Variants in ALDH3A2 observed in about 807,000 individuals in gnomAD.
ALDH3A2 encodes the protein aldehyde dehydrogenase family 3 member A2.
ALDH3A2 carries 36 observed loss-of-function variants against 51.3 expected under a neutral mutation model. The ratio of observed to expected loss-of-function variants is 0.70; its 90% CI spans 0.54 to 0.93. ALDH3A2 has a LOEUF of 0.93. Ranked by LOEUF, ALDH3A2 falls within the 40% of genes least tolerant of loss-of-function variation. ALDH3A2 has a pLI of 0.00. For missense variants in ALDH3A2, 552 were observed against 603.1 expected (o/e 0.92, Z 0.89); for synonymous variants, 199 against 219.8 (o/e 0.91, Z 0.84).
At position 19,653,685 on chromosome 17, in the gene ALDH3A2, G is replaced by A. The variant is rs933687210; in HGVS notation, c.471+1053G>A. Among the ~76,000 whole-genome samples, 13 of 152,286 alleles carry A rather than the reference G, an allele frequency of 8.5e-5. No individual in the cohort carries two copies. In the East Asian group the frequency reaches 1.5e-3, roughly 18 times the overall value. Reference sequence around the variant, plus strand: ...CGCAGTGAGTGTTACAGCTCATAACGGCAGTGCGGACCCAGAGTGAGCAGC... The same window carrying A: ...CGCAGTGAGTGTTACAGCTCATAACAGCAGTGCGGACCCAGAGTGAGCAGC... On this transcript the variant is annotated intron_variant, in intron 3 of 9. Transcript: ENST00000176643.
At chr17:19,666,290 A>G (rs114154013) in intron 8 of ALDH3A2, among the ~76,000 whole-genome samples, 53 of 151,744 alleles carry the variant, frequency 3.5e-4, no homozygotes, top group African/African-American at 9.7e-4. Flanking sequence ...AAAAGATTGG[A>G]CTCTGTTGTC....
intron 5 of ALDH3A2, among the ~76,000 whole-genome samples, chr17:19,659,235 G>A (rs1450524449): frequency 6.6e-6 from 1 of 151,810 alleles, no homozygotes; most frequent in African/African-American, 2.4e-5. Context: ...TATCTCAAAA[G>A]AAAAAAAGAT....
At chr17:19,655,169 A>C (rs2152327782) in intron 3 of ALDH3A2, 1 of 152,352 alleles carries the variant, frequency 6.6e-6, no homozygotes, top group South Asian at 2.1e-4. Flanking sequence ...GTCTTCATTT[A>C]GCTTTAAGCG....
At chr17:19,662,440 A>G (rs1567602974) in intron 6 of ALDH3A2, among the ~76,000 whole-genome samples, 1 of 152,190 alleles carries the variant, frequency 6.6e-6, no homozygotes, top group Non-Finnish European at 1.5e-5. Flanking sequence ...GTAAAGGAAA[A>G]GTGCCAACTT....
chr17:19,651,496 C>A, intron 1 of ALDH3A2, 51 bp from the exon 2 acceptor site: 1 of 1,459,178 alleles, frequency 6.9e-7, no homozygotes, highest in Non-Finnish European at 9.6e-7. Flanking sequence ...CATTCAGGGC[C>A]AAGTGTATCA....
chr17:19,661,326 A>G lies in ALDH3A2; in HGVS notation c.940+58A>G, dbSNP rs1165517069. On this transcript the variant is annotated intron_variant, in intron 6 of 9. Coordinates refer to ENST00000176643, the MANE Select transcript of ALDH3A2 (RefSeq NM_000382.3). ...TGGCAATTTGGCAGTTTTTGCTGACACTACTTATTAACACTAGATAAACTA... is the reference window on the plus strand; with the variant it reads ...TGGCAATTTGGCAGTTTTTGCTGACGCTACTTATTAACACTAGATAAACTA... The G allele has an allele frequency of 2.5e-6, 4 of 1,588,226 alleles. No individual in the cohort carries two copies. The South Asian group carries it at 3.3e-5, about 13-fold the overall frequency.
intron 5 of ALDH3A2, among the ~76,000 whole-genome samples, chr17:19,660,755 C>G (rs1279674009): frequency 6.6e-6 from 1 of 152,212 alleles, no homozygotes; most frequent in Non-Finnish European, 1.5e-5. Context: ...AGGGGGAAAG[C>G]AGGCACAGCC....
chr17:19,653,267 G>C (rs1191697907), intron 3 of ALDH3A2, among the ~76,000 whole-genome samples: 1 of 151,876 alleles, frequency 6.6e-6, no homozygotes, highest in African/African-American at 2.4e-5. Flanking sequence ...CTGGTCTCGA[G>C]CTCCTGACCT....
Position 19,654,368 on chromosome 17 carries a change from C to T in ALDH3A2, c.471+1736C>T, listed in dbSNP as rs564476763. On this transcript the variant is annotated intron_variant, in intron 3 of 9. Transcript: ENST00000176643. The surrounding 1 kb of genome is among the most constrained non-coding windows in gnomAD (Gnocchi z 4.5). ...CTGGGCGCTGTGGAGCAGGGGGCGG[C>T]GCCCATCAGGGAGGCTCGGGCAGCA... Among the ~76,000 whole-genome samples, 6 of 152,356 alleles carry T rather than the reference C, an allele frequency of 3.9e-5. No individual in the cohort carries two copies. The highest frequency in any genetic ancestry group is 2.1e-4 in the South Asian group (1 of 4,826).
At chr17:19,666,647 C>T (rs753408134) in intron 8 of ALDH3A2, among the ~76,000 whole-genome samples, 1 of 151,838 alleles carries the variant, frequency 6.6e-6, no homozygotes, top group Non-Finnish European at 1.5e-5. Context: ...TGTGGTGGTG[C>T]GTGCCTGTAG....
intron 9 of ALDH3A2, chr17:19,674,131 A>G (rs62065949): frequency 6.6e-6 from 1 of 152,226 alleles, no homozygotes; most frequent in Non-Finnish European, 1.5e-5. Context: ...AAATGTCGTG[A>G]AATCAAGGTG....
At chr17:19,663,212 T>C (rs1409267863) in intron 6 of ALDH3A2, 121 bp from the exon 7 acceptor site, 1 of 1,159,876 alleles carries the variant, frequency 8.6e-7, no homozygotes, top group African/African-American at 1.5e-5. Flanking sequence ...GATTTTTCAA[T>C]AGATATGACT....
At chr17:19,659,254 T>C (rs1217187133) in intron 5 of ALDH3A2, among the ~76,000 whole-genome samples, 1 of 151,982 alleles carries the variant, frequency 6.6e-6, no homozygotes, top group Non-Finnish European at 1.5e-5. Context: ...ATATGAAAAT[T>C]GTCGCCGTTG....
At chr17:19,661,302 G>T in intron 6 of ALDH3A2, 34 bp downstream of exon 6, 1 of 1,613,930 alleles carries the variant, frequency 6.2e-7, no homozygotes, top group South Asian at 1.1e-5. Context: ...ATGGGAAGAT[G>T]GCAATTTGGC....
At position 19,668,186 on chromosome 17, in the gene ALDH3A2, C is replaced by T. The variant is rs546172617; in HGVS notation, c.1207+3139C>T. Among the ~76,000 whole-genome samples the T allele has an allele frequency of 5.6e-4, 86 of 152,222 alleles. 1 individual carries two copies. The highest frequency in any genetic ancestry group is 2.0e-3 in the African/African-American group (84 of 41,532). Reference sequence around the variant, plus strand: ...TTTTATAAGTAAGAAAATCCTCAGTCCTATCTGTAATACATATCCCTTTCC... The same window carrying T: ...TTTTATAAGTAAGAAAATCCTCAGTTCTATCTGTAATACATATCCCTTTCC... On this transcript the variant is annotated intron_variant, in intron 8 of 9. Coordinates refer to ENST00000176643, the MANE Select transcript of ALDH3A2 (RefSeq NM_000382.3).
chr17:19,665,376 C>CGTGT (rs34642385), intron 8 of ALDH3A2, among the ~76,000 whole-genome samples: 16,942 of 144,946 alleles, frequency 0.12, 1,666 homozygotes, highest in African/African-American at 0.28. Context: ...GATCTCTCTT[C>CGTGT]GTGTGTGTGT....
At chr17:19,648,304 A>C (rs2084762022), upstream of ALDH3A2, 2 of 152,598 alleles carry the variant, frequency 1.3e-5, no homozygotes, top group Non-Finnish European at 2.9e-5. Flanking sequence ...TGAAGGAAGG[A>C]GCAGGGGACA....
In ALDH3A2 at chr17:19,648,996, C is replaced by A; in HGVS notation, c.25C>A (p.Arg9=). The stretch of plus-strand genomic sequence containing the variant: ...CATGGAGCTCGAAGTCCGGCGGGTC[C>A]GACAGGCGTTCCTGTCCGGCCGGTC... MELEVRRV[R]QAFLSGRSRP... The change falls in exon 1 of 10, where the codon CGA becomes AGA. Residue 9 remains arginine, a synonymous_variant. Coordinates refer to ENST00000176643, the MANE Select transcript of ALDH3A2 (RefSeq NM_000382.3). The A allele has an allele frequency of 6.3e-7, 1 of 1,585,824 alleles. No homozygotes were observed. The highest frequency in any genetic ancestry group is 8.6e-7 in the Non-Finnish European group (1 of 1,167,004).
chr17:19,649,831 T>TA, intron 1 of ALDH3A2: 1 of 154,786 alleles, frequency 6.5e-6, no homozygotes, highest in Middle Eastern at 3.3e-3. Context: ...AGTGATATCA[T>TA]ATGCCTCTTT....
Sources: gnomAD v4.1 joint callset for allele counts (sites outside exome capture counted in the v4.1 genomes callset) on GRCh38, gnomAD v4.1.1 for gene constraint, Gnocchi (gnomAD v3.1) non-coding constraint, MANE v1.5 for transcripts, NCBI Gene and HGNC (gene_info 2026-07-23, HGNC 2026-07-21) for gene names.